The following TBL1X variants were observed in gnomAD, a reference collection of about 807,000 sequenced individuals.
The protein encoded by TBL1X is F-box-like/WD repeat-containing protein TBL1X.
A neutral mutation model predicts 50.7 loss-of-function variants in TBL1X; 10 were observed. The observed-to-expected ratio is 0.20, with a 90% CI of 0.12 to 0.33. The LOEUF is 0.33. Among genes scored for constraint, TBL1X ranks in the 10% least tolerant of loss-of-function variants. The pLI is 1.00. For missense variants in TBL1X, 340 were observed against 504.4 expected (o/e 0.67, Z 3.12); for synonymous variants, 190 against 214.7 (o/e 0.88, Z 1.01).
In TBL1X at chrX:9,528,153, C is replaced by A. The variant is rs1208785080; in HGVS notation, c.-131+26304C>A. Among the ~76,000 whole-genome samples the A allele has an allele frequency of 1.8e-5, 2 of 111,168 alleles. 1 individual carries two copies. The highest frequency in any genetic ancestry group is 5.7e-4 in the East Asian group (2 of 3,528). ...AAACAGTAACTCCCCATTCTCCCTTCCCCCGCAGCCCCTGGCACCCACCGT... is the reference window on the plus strand; with the variant it reads ...AAACAGTAACTCCCCATTCTCCCTTACCCCGCAGCCCCTGGCACCCACCGT... On this transcript the variant is annotated intron_variant, in intron 2 of 17. Coordinates refer to ENST00000645353, the MANE Select transcript of TBL1X (RefSeq NM_005647.4).
At chrX:9,658,349 C>T (rs897702884) in intron 5 of TBL1X, among the ~76,000 whole-genome samples, 2 of 110,979 alleles carry the variant, frequency 1.8e-5, no homozygotes, top group Non-Finnish European at 3.8e-5. Context: ...GGCCATGTGC[C>T]TTTCCCGTGA....
At chrX:9,533,136 A>G (rs1464872133) in intron 2 of TBL1X, among the ~76,000 whole-genome samples, 20 of 112,067 alleles carry the variant, frequency 1.8e-4, no homozygotes, top group African/African-American at 6.5e-4. Context: ...TATGTGAATT[A>G]TATCTCAGTA....
intron 2 of TBL1X, among the ~76,000 whole-genome samples, chrX:9,591,034 C>T (rs1768368197): frequency 9.1e-6 from 1 of 109,929 alleles, no homozygotes; most frequent in African/African-American, 3.3e-5. Context: ...GAGTAATCTA[C>T]CAGGGACGAC....
chrX:9,556,726 G>A (rs1445090592), intron 2 of TBL1X, among the ~76,000 whole-genome samples: 1 of 110,575 alleles, frequency 9.0e-6, no homozygotes, highest in African/African-American at 3.3e-5. Context: ...TAAAATCGAG[G>A]CATCTACAGG....
At chrX:9,675,629 A>G (rs2082989118) in intron 5 of TBL1X, among the ~76,000 whole-genome samples, 1 of 111,670 alleles carries the variant, frequency 9.0e-6, no homozygotes, top group Non-Finnish European at 1.9e-5. Context: ...CACGCCCAGC[A>G]AGTAATCCCA....
chrX:9,487,645 A>G (rs1274966830), intron 1 of TBL1X, among the ~76,000 whole-genome samples: 1 of 112,422 alleles, frequency 8.9e-6, no homozygotes, highest in Non-Finnish European at 1.9e-5. Context: ...TTCAGCTTCT[A>G]TTCTAGCATG....
At position 9,692,234 on chromosome X, in the gene TBL1X, G is replaced by A. The variant is rs1288884438; in HGVS notation, c.871G>A (p.Val291Ile). 8.4e-7 allele frequency: 1 copy of A among 1,194,042 alleles called. No homozygotes were observed. The highest frequency in any genetic ancestry group is 1.1e-6 in the Non-Finnish European group (1 of 888,985). Residue 291 changes from valine to isoleucine, a missense_variant, in exon 9 of 18, where the codon GTC becomes ATC. Around this residue, in one of 6 missense-constraint regions of TBL1X, gnomAD observed 170 missense variants for 272.6 expected, o/e 0.62. Transcript: ENST00000645353. ...GGHDVPSNKDVTSLDWNTNGT... is the reference protein window; with the variant it reads ...GGHDVPSNKDITSLDWNTNGT... ...CCATGACGTCCCGAGTAACAAAGAC[G>A]TCACCTCACTGGACTGGAATGTAAG...
rs1482267815 is a variant in TBL1X at position 9,719,601 on chromosome X, C to T, written c.*3355C>T. On this transcript the variant is annotated 3_prime_UTR_variant, in exon 18 of 18. Transcript: ENST00000645353. ...ATGACAGCGACCGCCTTTTCATTCC[C>T]CCCGCCACCTGTACTCACCCTCACG... The T allele has an allele frequency of 9.3e-6, 1 of 107,285 alleles. No homozygotes were observed. The highest frequency in any genetic ancestry group is 1.9e-5 in the Non-Finnish European group (1 of 51,997). 8.8% of individuals were successfully genotyped at this position (107,285 alleles called of 1,213,427 possible).
chrX:9,593,563 G>C (rs755348378), intron 2 of TBL1X, among the ~76,000 whole-genome samples: 1 of 110,443 alleles, frequency 9.1e-6, no homozygotes, highest in South Asian at 4.0e-4. Context: ...ATGAGGTCTA[G>C]GGCCAGGTGG....
intron 2 of TBL1X, among the ~76,000 whole-genome samples, chrX:9,538,660 T>G (rs947472408): frequency 8.9e-6 from 1 of 112,530 alleles, no homozygotes; most frequent in Non-Finnish European, 1.9e-5. Context: ...ATGCTTTTCT[T>G]GTACCGAAGG....
At chrX:9,472,395 G>C (rs954635681) in intron 1 of TBL1X, among the ~76,000 whole-genome samples, 2 of 108,519 alleles carry the variant, frequency 1.8e-5, no homozygotes, top group African/African-American at 6.7e-5. Flanking sequence ...AAGTAGCTGG[G>C]CCGACAGGCA....
chrX:9,544,382 G>A (rs776848790), intron 2 of TBL1X, among the ~76,000 whole-genome samples: 14 of 111,298 alleles, frequency 1.3e-4, no homozygotes, highest in South Asian at 7.6e-4. Flanking sequence ...CAGAGGTGAG[G>A]GATCCTCACA....
At chrX:9,583,586 T>G (rs5979126) in intron 2 of TBL1X, among the ~76,000 whole-genome samples, 3,221 of 111,831 alleles carry the variant, frequency 0.029, 107 homozygotes, top group African/African-American at 0.099. Flanking sequence ...AAATGCAAGT[T>G]TTTTAGGCCA....
intron 2 of TBL1X, among the ~76,000 whole-genome samples, chrX:9,556,234 A>G (rs375732798): frequency 2.7e-5 from 3 of 110,553 alleles, no homozygotes; most frequent in East Asian, 5.7e-4. Context: ...CAAAGTGTTC[A>G]GTGCCGTCAG....
intron 11 of TBL1X, 80 bp from the exon 12 acceptor site, chrX:9,697,289 C>T: frequency 8.6e-7 from 1 of 1,165,686 alleles, no homozygotes; most frequent in Non-Finnish European, 1.2e-6. Context: ...GAAGGGCTGT[C>T]TTTTCTTGTA....
intron 2 of TBL1X, among the ~76,000 whole-genome samples, chrX:9,554,658 A>T (rs1422262271): frequency 8.9e-6 from 1 of 112,369 alleles, no homozygotes; most frequent in East Asian, 2.8e-4. Flanking sequence ...TAACAATGTG[A>T]TATATATTGT....
At chrX:9,500,361 G>A (rs951210051) in intron 1 of TBL1X, among the ~76,000 whole-genome samples, 1 of 107,444 alleles carries the variant, frequency 9.3e-6, no homozygotes, top group Non-Finnish European at 1.9e-5. Flanking sequence ...TTGGGAGGCC[G>A]AGGCAGGCAG....
At chrX:9,497,290 T>C (rs1191433456) in intron 1 of TBL1X, among the ~76,000 whole-genome samples, 1 of 106,855 alleles carries the variant, frequency 9.4e-6, no homozygotes, top group Non-Finnish European at 1.9e-5. Context: ...GTGCCTGTAG[T>C]CCCAGCTACT....
intron 2 of TBL1X, among the ~76,000 whole-genome samples, chrX:9,542,451 C>T (rs890604304): frequency 8.9e-6 from 1 of 111,927 alleles, no homozygotes; most frequent in Admixed American, 9.5e-5. Flanking sequence ...CGGTAGCTCC[C>T]ACTTCCCCAG....
Sources: gnomAD v4.1 joint callset for allele counts (sites outside exome capture counted in the v4.1 genomes callset) on GRCh38, gnomAD v4.1.1 for gene constraint, gnomAD v4.1.1 regional missense constraint, MANE v1.5 for transcripts, NCBI Gene and HGNC (gene_info 2026-07-23, HGNC 2026-07-21) for gene names.